The following BLTP3A variants were observed in gnomAD, a reference collection of about 807,000 sequenced individuals.
BLTP3A encodes the protein bridge-like lipid transfer protein family member 3A, also known as ICBP90 binding protein 1.
At chr6:34,863,991 T>G in the BLTP3A span, 2 of 1,574,426 alleles carry the variant, frequency 1.3e-6, no homozygotes, top group East Asian at 2.2e-5. Context: ...TTTGTTTTTT[T>G]TTTTAAACAG....
chr6:34,834,720 G>C, the BLTP3A span: 1 of 1,613,324 alleles, frequency 6.2e-7, no homozygotes, highest in Admixed American at 1.7e-5. Context: ...TCTCCTTCCA[G>C]GTTTTAACAT....
chr6:34,857,368 C>T, the BLTP3A span: 1 of 1,614,206 alleles, frequency 6.2e-7, no homozygotes, highest in Non-Finnish European at 8.5e-7. Flanking sequence ...GCCATCTACA[C>T]TCCTTTCCTG....
At chr6:34,853,847 C>T in the BLTP3A span, among the ~76,000 whole-genome samples, 1 of 152,116 alleles carries the variant, frequency 6.6e-6, no homozygotes, top group African/African-American at 2.4e-5. Flanking sequence ...CAGGCATGAG[C>T]CACGGTGCCT....
At chr6:34,861,538 T>A in the BLTP3A span, among the ~76,000 whole-genome samples, 1 of 152,270 alleles carries the variant, frequency 6.6e-6, no homozygotes, top group East Asian at 1.9e-4. Context: ...AATCCACAGA[T>A]AACCACTGTT....
chr6:34,865,023 G>A, the BLTP3A span, among the ~76,000 whole-genome samples: 1 of 152,072 alleles, frequency 6.6e-6, no homozygotes, highest in Non-Finnish European at 1.5e-5. Flanking sequence ...AATTATAATT[G>A]TATCTATGTG....
At chr6:34,867,708 C>G in the BLTP3A span, 1 of 1,451,654 alleles carries the variant, frequency 6.9e-7, no homozygotes, top group African/African-American at 1.4e-5. Context: ...CTAAGGGCAG[C>G]CACTCTACTA....
the BLTP3A span, among the ~76,000 whole-genome samples, chr6:34,840,082 C>T: frequency 6.6e-6 from 1 of 152,194 alleles, no homozygotes; most frequent in Non-Finnish European, 1.5e-5. Flanking sequence ...GAGTTATATG[C>T]CTGTGCTCTA....
the BLTP3A span, among the ~76,000 whole-genome samples, chr6:34,803,996 A>G: frequency 6.6e-6 from 1 of 152,142 alleles, no homozygotes; most frequent in South Asian, 2.1e-4. Flanking sequence ...CATTTGAGAA[A>G]GTGTCTTCAC....
chr6:34,803,207 A>G, the BLTP3A span, among the ~76,000 whole-genome samples: 1 of 151,858 alleles, frequency 6.6e-6, no homozygotes, highest in Non-Finnish European at 1.5e-5. Context: ...TAATGATTTT[A>G]GTAACTAAGA....
the BLTP3A span, chr6:34,857,076 A>T: frequency 8.5e-7 from 1 of 1,182,394 alleles, no homozygotes; most frequent in Non-Finnish European, 1.2e-6. Context: ...CTTTCTGAGC[A>T]TGGCTGGTGA....
the BLTP3A span, among the ~76,000 whole-genome samples, chr6:34,809,755 C>T: frequency 6.6e-6 from 1 of 151,920 alleles, no homozygotes; most frequent in Admixed American, 6.6e-5. Context: ...GGGGTTTCAT[C>T]GTGTTGGCCA....
At chr6:34,821,569 T>A in the BLTP3A span, 1 of 1,331,208 alleles carries the variant, frequency 7.5e-7, no homozygotes, top group Non-Finnish European at 1.0e-6. Flanking sequence ...TTTTCTTTTC[T>A]CTAGATTCAG....
the BLTP3A span, among the ~76,000 whole-genome samples, chr6:34,795,397 G>GT: frequency 6.7e-6 from 1 of 149,390 alleles, no homozygotes; most frequent in Non-Finnish European, 1.5e-5. Context: ...AGTTTTTTTT[G>GT]TTTTTTGTTT....
At chr6:34,838,136 G>T in the BLTP3A span, among the ~76,000 whole-genome samples, 38 of 152,254 alleles carry the variant, frequency 2.5e-4, no homozygotes, top group African/African-American at 9.1e-4. Flanking sequence ...TTTTTACAAT[G>T]CAATTATTTA....
At chr6:34,831,921 TCTC>T in the BLTP3A span, among the ~76,000 whole-genome samples, 4 of 151,840 alleles carry the variant, frequency 2.6e-5, no homozygotes, top group Admixed American at 1.3e-4. Context: ...TTCAAGCAAT[TCTC>T]CTGCCTCAGA....
the BLTP3A span, chr6:34,875,919 A>G: frequency 6.6e-6 from 1 of 152,646 alleles, no homozygotes; most frequent in African/African-American, 2.4e-5. Flanking sequence ...GACTTGGAAC[A>G]AGAAATAACA....
chr6:34,858,893 A>G, the BLTP3A span: 1 of 1,614,150 alleles, frequency 6.2e-7, no homozygotes, highest in Non-Finnish European at 8.5e-7. Context: ...GAGGTGCTGC[A>G]GAGGCTTCAG....
the BLTP3A span, chr6:34,836,147 C>A: frequency 6.2e-7 from 1 of 1,612,778 alleles, no homozygotes; most frequent in South Asian, 1.1e-5. Context: ...CTCTCTCTGT[C>A]ACATGTAGAT....
chr6:34,868,177 G>A, the BLTP3A span, among the ~76,000 whole-genome samples: 3 of 151,920 alleles, frequency 2.0e-5, no homozygotes, highest in East Asian at 1.9e-4. Flanking sequence ...GTGGTGGCGG[G>A]TGCCTGTAAT....
Sources: gnomAD v4.1 joint callset for allele counts (sites outside exome capture counted in the v4.1 genomes callset) on GRCh38, gnomAD v4.1.1 for gene constraint, MANE v1.5 for transcripts, NCBI Gene and HGNC (gene_info 2026-07-23, HGNC 2026-07-21) for gene names.